FREM1: variants seen among roughly 807,000 people sequenced by gnomAD.
FREM1 encodes FRAS1 related extracellular matrix 1.
Under a neutral mutation model 210.1 loss-of-function variants are expected in FREM1, and 220 were observed. The observed-to-expected ratio is 1.05, with a 90% CI of 0.94 to 1.17. The LOEUF (loss-of-function observed/expected upper bound fraction) is 1.17, where lower values mean the gene tolerates loss of function less well. FREM1 is among the 50% of genes most tolerant of loss of function. The pLI, the probability that FREM1 is intolerant of heterozygous loss-of-function variation, is 0.00. For missense variants in FREM1, 3,454 were observed against 2,675.5 expected, an observed-to-expected ratio of 1.29 and a Z score of -6.42; for synonymous variants, 1,189 against 980.2, an observed-to-expected ratio of 1.21 and a Z score of -3.98.
intron 1 of FREM1, among the ~76,000 whole-genome samples, chr9:14,892,791 TC>T (rs1837076550): frequency 6.6e-6 from 1 of 152,162 alleles, no homozygotes; most frequent in Admixed American, 6.5e-5. Flanking sequence ...TTCTCTGGCC[TC>T]CCTGGGCTCT....
chr9:14,786,964 T>C (rs12685522), intron 23 of FREM1, among the ~76,000 whole-genome samples: 59,572 of 152,042 alleles, frequency 0.39, 13,123 homozygotes, highest in Middle Eastern at 0.56. Flanking sequence ...AGCTCTTGCC[T>C]TGATGCAAGT....
rs967367549 is a variant in FREM1, at chr9:14,816,839, T to A, written c.2579A>T (p.Asp860Val). 1.2e-5 allele frequency: 17 copies of A among 1,438,722 alleles called. No homozygotes were observed. The African/African-American group carries it at 1.9e-4, about 16-fold the overall frequency. The allele number at this position is 1,438,722 out of a possible 1,614,324, so 89.1% of individuals were successfully genotyped here. The change falls in exon 15 of 37, where the codon GAT becomes GTT. Residue 860 changes from aspartate to valine, a missense_variant. Transcript: ENST00000380880. Reference protein sequence around the residue: ...YQHDGTEVLQDDLLLEVTDGT... With the variant: ...YQHDGTEVLQVDLLLEVTDGT... ...ATCGGTGACCTCCAAGAGTAGGTCA[T>A]CCTGAAGAACTTCAGTTCCATCATG...
At chr9:14,794,239 G>A (rs1006876674) in intron 21 of FREM1, among the ~76,000 whole-genome samples, 1 of 152,094 alleles carries the variant, frequency 6.6e-6, no homozygotes, top group African/African-American at 2.4e-5. Context: ...AGAAAGGGAA[G>A]GAGAAAAAGG....
intron 1 of FREM1, among the ~76,000 whole-genome samples, chr9:14,887,762 C>T (rs983099599): frequency 1.3e-5 from 2 of 151,960 alleles, no homozygotes; most frequent in African/African-American, 2.4e-5. Context: ...TGCATCTTTT[C>T]GTTTATTTTT....
intron 8 of FREM1, among the ~76,000 whole-genome samples, chr9:14,843,837 G>C (rs1282649712): frequency 6.6e-6 from 1 of 152,156 alleles, no homozygotes; most frequent in Non-Finnish European, 1.5e-5. Flanking sequence ...GCAACAACCA[G>C]TGTTATCAAG....
At chr9:14,808,278 T>C (rs1390366529) in intron 16 of FREM1, 144 bp from the exon 17 acceptor site, 2 of 558,522 alleles carry the variant, frequency 3.6e-6, no homozygotes, top group South Asian at 3.7e-5. Flanking sequence ...CCCAATTTTA[T>C]CACTATGAAA....
chr9:14,745,700 T>A (rs891260815), intron 35 of FREM1, among the ~76,000 whole-genome samples: 1 of 152,202 alleles, frequency 6.6e-6, no homozygotes, highest in Non-Finnish European at 1.5e-5. Context: ...TTAGTCTAAT[T>A]GTGTTGTTTA....
intron 15 of FREM1, among the ~76,000 whole-genome samples, chr9:14,813,632 G>A (rs969414733): frequency 6.6e-6 from 1 of 151,876 alleles, no homozygotes; most frequent in East Asian, 1.9e-4. Flanking sequence ...GTTTCATCCC[G>A]ACAAAATGTT....
chr9:14,764,217 T>TG (rs1400707202), intron 27 of FREM1, among the ~76,000 whole-genome samples: 1 of 152,230 alleles, frequency 6.6e-6, no homozygotes, highest in African/African-American at 2.4e-5. Context: ...CCTTCTGCCA[T>TG]GCTTGTGAGT....
At position 14,804,135 on chromosome 9, in the gene FREM1, C is replaced by T. The variant is rs540158726; in HGVS notation, c.3471+821G>A. On this transcript the variant is annotated intron_variant, in intron 19 of 36. Coordinates refer to ENST00000380880, the MANE Select transcript of FREM1 (RefSeq NM_001379081.2). ...TTCTTGCAGCATAACTTGATGGAAG[C>T]CCAGCTATCTACAAAATAAATGCAT... is the stretch of plus-strand genomic sequence containing the variant. 2.0e-5 allele frequency among the ~76,000 whole-genome samples: 3 copies of T among 152,258 alleles called. No homozygotes were observed. The East Asian group carries it at 5.8e-4, about 29-fold the overall frequency.
chr9:14,804,404 T>A (rs558163332), intron 19 of FREM1, among the ~76,000 whole-genome samples: 1 of 152,174 alleles, frequency 6.6e-6, no homozygotes, highest in Non-Finnish European at 1.5e-5. Context: ...GCTAACACGG[T>A]GAAACCCCGT....
intron 13 of FREM1, among the ~76,000 whole-genome samples, chr9:14,820,085 G>T (rs1334497946): frequency 6.6e-6 from 1 of 152,220 alleles, no homozygotes; most frequent in East Asian, 1.9e-4. Flanking sequence ...TCATTTGTAA[G>T]TTAAAAGCAA....
chr9:14,816,266 G>C (rs577699474), intron 15 of FREM1, among the ~76,000 whole-genome samples: 9 of 152,248 alleles, frequency 5.9e-5, no homozygotes, highest in Non-Finnish European at 1.0e-4. Flanking sequence ...CAATAGCATA[G>C]TACTACTACT....
At chr9:14,877,456 C>G (rs1393497773) in intron 1 of FREM1, among the ~76,000 whole-genome samples, 1 of 114,268 alleles carries the variant, frequency 8.8e-6, no homozygotes, top group Non-Finnish European at 2.0e-5. Context: ...TTATGGTAGA[C>G]AGATCTTAGG....
At chr9:14,866,481 G>C (rs1171534786) in intron 2 of FREM1, among the ~76,000 whole-genome samples, 1 of 152,118 alleles carries the variant, frequency 6.6e-6, no homozygotes, top group African/African-American at 2.4e-5. Flanking sequence ...TCAGAGGCTG[G>C]CTTAGGTAAC....
intron 21 of FREM1, among the ~76,000 whole-genome samples, chr9:14,793,503 G>T: frequency 6.6e-6 from 1 of 152,220 alleles, no homozygotes. Flanking sequence ...GGGCAGAGCT[G>T]CTGCTGATCC....
intron 25 of FREM1, among the ~76,000 whole-genome samples, chr9:14,772,447 T>A (rs1007424821): frequency 1.3e-5 from 2 of 152,124 alleles, no homozygotes; most frequent in African/African-American, 4.8e-5. Context: ...CACATGAAGA[T>A]GGAAACAGGC....
intron 1 of FREM1, among the ~76,000 whole-genome samples, chr9:14,897,532 GA>G (rs200259055): frequency 6.9e-5 from 10 of 145,614 alleles, no homozygotes; most frequent in Non-Finnish European, 1.1e-4. Flanking sequence ...ATGTAGTAAA[GA>G]AAAAAAAAGC....
chr9:14,774,085 C>A, intron 25 of FREM1: 3 of 518,862 alleles, frequency 5.8e-6, no homozygotes, highest in Non-Finnish European at 1.2e-5. Flanking sequence ...ATGTCAATAT[C>A]TTCTTTCTTC....
Sources: gnomAD v4.1 joint callset for allele counts (sites outside exome capture counted in the v4.1 genomes callset) on GRCh38, gnomAD v4.1.1 for gene constraint, MANE v1.5 for transcripts, NCBI Gene and HGNC (gene_info 2026-07-23, HGNC 2026-07-21) for gene names.